Variants in FNTB observed in about 807,000 individuals in gnomAD.
The protein encoded by FNTB is protein farnesyltransferase subunit beta.
A neutral mutation model predicts 59.4 loss-of-function variants in FNTB; 27 were observed. The ratio of observed to expected loss-of-function variants is 0.45; its 90% CI spans 0.34 to 0.63. FNTB has a LOEUF of 0.63. Among genes scored for constraint, FNTB ranks in the 20% least tolerant of loss-of-function variants. FNTB has a pLI of 0.02. For missense variants in FNTB, 449 were observed against 559.6 expected (o/e 0.80, Z 1.99); for synonymous variants, 230 against 220.7 (o/e 1.04, Z -0.37).
At chr14:65,042,365 G>A (rs528583608) in intron 8 of FNTB, among the ~76,000 whole-genome samples, 4 of 152,286 alleles carry the variant, frequency 2.6e-5, no homozygotes, top group African/African-American at 9.6e-5. Flanking sequence ...CCCATTTGGG[G>A]GTGATGGGAG....
At chr14:65,022,147 A>G (rs1198186831) in intron 4 of FNTB, 3 of 446,556 alleles carry the variant, frequency 6.7e-6, no homozygotes, top group East Asian at 1.4e-4. Context: ...TCACTATATC[A>G]AGCTGAAGCT....
At chr14:64,989,015 T>C (rs1297037093) in intron 1 of FNTB, among the ~76,000 whole-genome samples, 1 of 152,134 alleles carries the variant, frequency 6.6e-6, no homozygotes. Context: ...TTTAGAGACC[T>C]ACCACATTGG....
intron 11 of FNTB, among the ~76,000 whole-genome samples, chr14:65,056,942 T>A (rs1028946978): frequency 3.3e-5 from 5 of 152,138 alleles, no homozygotes; most frequent in African/African-American, 1.2e-4. Flanking sequence ...CATTATAACA[T>A]GTGGAAATCA....
chr14:65,013,649 G>C (rs1393849290), intron 3 of FNTB, among the ~76,000 whole-genome samples: 1 of 152,190 alleles, frequency 6.6e-6, no homozygotes, highest in Non-Finnish European at 1.5e-5. Context: ...TCAGGTTCAA[G>C]CGATTCTCTT....
rs187105533 is a variant in FNTB at position 65,017,822 on chromosome 14, G to A, written c.374+2106G>A. Among the ~76,000 whole-genome samples the A allele has an allele frequency of 5.9e-4, 89 of 152,118 alleles. No homozygotes were observed. In the East Asian group the frequency reaches 0.016, roughly 27 times the overall value. On this transcript the variant is annotated intron_variant, in intron 4 of 11. Coordinates refer to ENST00000246166, the MANE Select transcript of FNTB (RefSeq NM_002028.4). ...ATACAAAAATTAGCTGGGCATGGTGGTGCATGCCTGTCATCCCAGCTACTC... is the reference window on the plus strand; with the variant it reads ...ATACAAAAATTAGCTGGGCATGGTGATGCATGCCTGTCATCCCAGCTACTC...
At position 65,044,333 on chromosome 14, in the gene FNTB, T is replaced by TG; in HGVS notation, c.846dup (p.Arg283AlafsTer3). The TG allele has an allele frequency of 6.2e-7, 1 of 1,613,614 alleles. No homozygotes were observed. Among genetic ancestry groups the TG allele is most frequent in the Non-Finnish European group, 8.5e-7 (1 of 1,179,846 alleles). ...CAGCAATGGGTGACAAGCCGGCAGA[T>TG]GCGATTTGAAGGAGGATTTCAGGGC... On this transcript the variant is annotated frameshift_variant, in exon 9 of 12. Coordinates refer to ENST00000246166, the MANE Select transcript of FNTB (RefSeq NM_002028.4). LOFTEE classifies it high-confidence loss of function. This position sits in a 1 kb window ranked among gnomAD's most constrained non-coding sequence, Gnocchi z 5.5.
chr14:65,060,621 G>A (rs1340659299), intron 11 of FNTB, among the ~76,000 whole-genome samples: 8 of 102,868 alleles, frequency 7.8e-5, no homozygotes, highest in South Asian at 6.4e-4. Flanking sequence ...GCGTGAACCC[G>A]GGAGGCGGAG....
Position 64,997,015 on chromosome 14 carries a change from T to A in FNTB, c.145-7234T>A, listed in dbSNP as rs577909993. 6.6e-6 allele frequency among the ~76,000 whole-genome samples: 1 copy of A among 152,190 alleles called. No individual in the cohort carries two copies. The highest frequency in any genetic ancestry group is 1.9e-4 in the East Asian group (1 of 5,190). ...TGTCACACTGTCATTTTGCCTTTTT[T>A]CATTTCACAGTAAAAAAAAAAATAG... On this transcript the variant is annotated intron_variant, in intron 1 of 11. Transcript: ENST00000246166. The surrounding 1 kb of genome is among the most constrained non-coding windows in gnomAD (Gnocchi z 4.5).
intron 4 of FNTB, among the ~76,000 whole-genome samples, chr14:65,024,175 C>A (rs1361591276): frequency 6.6e-6 from 1 of 151,938 alleles, no homozygotes; most frequent in African/African-American, 2.4e-5. Flanking sequence ...TAGCAAGATC[C>A]ACAGGTAATT....
At position 65,023,879 on chromosome 14, in the gene FNTB, T is replaced by G. The variant is rs1311326528; in HGVS notation, c.375-3574T>G. On this transcript the variant is annotated intron_variant, in intron 4 of 11. Transcript: ENST00000246166. This position sits in a 1 kb window ranked among gnomAD's most constrained non-coding sequence, Gnocchi z 4.1. ...ACTTTGGGAGGCCAAGGCGGGCGGA[T>G]TGTCTGAGCTCGGGAGTTCGAGACC... 6.6e-6 allele frequency among the ~76,000 whole-genome samples: 1 copy of G among 152,110 alleles called. No individual in the cohort carries two copies. Among genetic ancestry groups the G allele is most frequent in the East Asian group, 1.9e-4 (1 of 5,192 alleles).
chr14:65,005,497 C>CTT (rs1288821468), intron 2 of FNTB, among the ~76,000 whole-genome samples: 3 of 136,756 alleles, frequency 2.2e-5, no homozygotes, highest in African/African-American at 9.2e-5. Context: ...TTCTTTCTTT[C>CTT]TTTCTTTCTT....
At chr14:65,024,962 C>T (rs1270797062) in intron 4 of FNTB, among the ~76,000 whole-genome samples, 1 of 152,058 alleles carries the variant, frequency 6.6e-6, no homozygotes, top group Non-Finnish European at 1.5e-5. Context: ...GTAGAAGTAT[C>T]ATTAACATTT....
At chr14:65,016,187 T>C (rs150344314) in intron 4 of FNTB, among the ~76,000 whole-genome samples, 2 of 152,262 alleles carry the variant, frequency 1.3e-5, no homozygotes, top group Non-Finnish European at 2.9e-5. Flanking sequence ...ACTGGATGTG[T>C]TACTGGTGTG....
At position 65,012,222 on chromosome 14, in the gene FNTB, C is replaced by G; in HGVS notation, c.210-95C>G. ...GTGATTGCAGGGGGACGTCCTGAAG[C>G]TGAGTGTTTACCCGTGTGTGTGTAC... On this transcript the variant is annotated intron_variant, in intron 2 of 11. Coordinates refer to ENST00000246166, the MANE Select transcript of FNTB (RefSeq NM_002028.4). The surrounding 1 kb of genome is among the most constrained non-coding windows in gnomAD (Gnocchi z 5.0). The G allele has an allele frequency of 6.7e-7, 1 of 1,499,652 alleles. No individual in the cohort carries two copies. The highest frequency in any genetic ancestry group is 9.2e-7 in the Non-Finnish European group (1 of 1,084,484). The allele number at this position is 1,499,652 out of a possible 1,614,324, so 92.9% of individuals were successfully genotyped here. A position where few individuals can be genotyped will look rare whatever the true frequency, so the allele number is the denominator to read the frequency against.
chr14:65,040,697 G>T, intron 7 of FNTB, 93 bp from the exon 8 acceptor site: 2 of 1,331,814 alleles, frequency 1.5e-6, no homozygotes, highest in Admixed American at 2.4e-5. Context: ...ACCTTAATCT[G>T]AGTGAACTTT....
intron 3 of FNTB, among the ~76,000 whole-genome samples, chr14:65,013,247 C>T (rs2061711753): frequency 6.6e-6 from 1 of 152,114 alleles, no homozygotes; most frequent in Non-Finnish European, 1.5e-5. Flanking sequence ...ACTGGAGACC[C>T]TGTGCCCTTA....
Position 64,986,926 on chromosome 14 carries a change from C to A in FNTB, c.-28C>A. Reference sequence around the variant, plus strand: ...CGTTGTTGCTTAACGAAGCAGAGTCCTACACACTGTCTGCTGCTCTCCTGA... The same window carrying A: ...CGTTGTTGCTTAACGAAGCAGAGTCATACACACTGTCTGCTGCTCTCCTGA... On this transcript the variant is annotated 5_prime_UTR_variant, in exon 1 of 12. Transcript: ENST00000246166. 1 of 1,613,722 alleles carries A rather than the reference C, an allele frequency of 6.2e-7. No homozygotes were observed. Among genetic ancestry groups the A allele is most frequent in the East Asian group, 2.2e-5 (1 of 44,880 alleles).
At chr14:64,992,298 A>T (rs1888230883) in intron 1 of FNTB, among the ~76,000 whole-genome samples, 2 of 152,222 alleles carry the variant, frequency 1.3e-5, no homozygotes, top group Admixed American at 6.5e-5. Flanking sequence ...ACTTTTAGGT[A>T]TATAAGTGAA....
rs985371381 is a variant in FNTB at position 65,028,988 on chromosome 14, AT to A, written c.605+1210del. ...TCATATACCTTTTGCAGCTGTGATT[AT>A]TTGCTATCTTATTCATTCCAGCACT... On this transcript the variant is annotated intron_variant, in intron 6 of 11. Coordinates refer to ENST00000246166, the MANE Select transcript of FNTB (RefSeq NM_002028.4). This position sits in a 1 kb window ranked among gnomAD's most constrained non-coding sequence, Gnocchi z 4.4. 6.6e-6 allele frequency among the ~76,000 whole-genome samples: 1 copy of A among 152,104 alleles called. No individual in the cohort carries two copies. Among genetic ancestry groups the A allele is most frequent in the Non-Finnish European group, 1.5e-5 (1 of 68,008 alleles).
Sources: allele counts gnomAD v4.1 joint callset (sites outside exome capture counted in the v4.1 genomes callset), GRCh38; gene constraint gnomAD v4.1.1; non-coding constraint Gnocchi (gnomAD v3.1); transcripts MANE v1.5; gene names NCBI Gene and HGNC (gene_info 2026-07-23, HGNC 2026-07-21).